The following XXYLT1 variants were observed in gnomAD, a reference collection of about 807,000 sequenced individuals.
The protein encoded by XXYLT1 is xyloside xylosyltransferase 1.
A neutral mutation model predicts 28.9 loss-of-function variants in XXYLT1; 20 were observed. The observed-to-expected ratio is 0.69, with a 90% CI of 0.49 to 1.00. The LOEUF (loss-of-function observed/expected upper bound fraction) is 1.00. XXYLT1 is among the 50% of genes least tolerant of loss of function. The pLI, the probability that XXYLT1 is intolerant of heterozygous loss-of-function variation, is 0.00. For synonymous variants in XXYLT1, 257 were observed against 253.8 expected (o/e 1.01, Z -0.12); for missense variants, 542 against 560.1 (o/e 0.97, Z 0.33).
Position 195,088,354 on chromosome 3 carries a change from C to T in XXYLT1, c.786-18243G>A, listed in dbSNP as rs971659086. On this transcript the variant is annotated intron_variant, in intron 3 of 3. Coordinates refer to ENST00000310380, the MANE Select transcript of XXYLT1 (RefSeq NM_152531.5). ...TGGAGATCTGAGAACGGGCAGACTG[C>T]CTCCTCAAGTGGGTCCCTGACCCCT... Among the ~76,000 whole-genome samples, 10 of 147,094 alleles carry T rather than the reference C, an allele frequency of 6.8e-5. 1 individual carries two copies. Among genetic ancestry groups the T allele is most frequent in the Non-Finnish European group, 1.2e-4 (8 of 66,112 alleles).
chr3:195,175,917 A>G (rs1721643641), intron 2 of XXYLT1: 1 of 1,402,624 alleles, frequency 7.1e-7, no homozygotes, highest in South Asian at 1.6e-5. Flanking sequence ...TTATGTATGA[A>G]GTCACAGAAA....
At chr3:195,111,088 G>A (rs993488487) in intron 3 of XXYLT1, among the ~76,000 whole-genome samples, 1 of 152,072 alleles carries the variant, frequency 6.6e-6, no homozygotes, top group Non-Finnish European at 1.5e-5. Flanking sequence ...GGATCCCTCT[G>A]AGGGCTGCGA....
intron 1 of XXYLT1, among the ~76,000 whole-genome samples, chr3:195,266,226 T>C (rs2108859808): frequency 6.6e-6 from 1 of 152,248 alleles, no homozygotes; most frequent in East Asian, 1.9e-4. Flanking sequence ...CCGGGTGCGG[T>C]GGCTCACGCC....
chr3:195,132,963 G>C (rs1281545583), intron 3 of XXYLT1, among the ~76,000 whole-genome samples: 1 of 152,220 alleles, frequency 6.6e-6, no homozygotes, highest in African/African-American at 2.4e-5. Context: ...TGATGGACTA[G>C]ATTTTCTGGT....
intron 3 of XXYLT1, among the ~76,000 whole-genome samples, chr3:195,149,931 T>C (rs62290357): frequency 0.24 from 36,772 of 152,168 alleles, 5,055 homozygotes; most frequent in East Asian, 0.44. Context: ...TCCAGCGTTT[T>C]TGTCTTCCAT....
chr3:195,108,594 A>C (rs776290530), intron 3 of XXYLT1, among the ~76,000 whole-genome samples: 13 of 152,210 alleles, frequency 8.5e-5, no homozygotes, highest in Admixed American at 3.9e-4. Context: ...GACTTCCACA[A>C]ACCTAGATGG....
chr3:195,113,243 C>T (rs1717876569), intron 3 of XXYLT1, among the ~76,000 whole-genome samples: 2 of 152,192 alleles, frequency 1.3e-5, no homozygotes, highest in South Asian at 4.1e-4. Flanking sequence ...GCCGCAACTG[C>T]AGGATGGAAA....
At chr3:195,215,011 A>G (rs932874679) in intron 2 of XXYLT1, 3 of 151,238 alleles carry the variant, frequency 2.0e-5, no homozygotes, top group Non-Finnish European at 4.4e-5. Flanking sequence ...AGTGGGGGCC[A>G]ATATTCAACA....
At chr3:195,099,748 G>A (rs537920454) in intron 3 of XXYLT1, among the ~76,000 whole-genome samples, 5 of 149,914 alleles carry the variant, frequency 3.3e-5, no homozygotes, top group African/African-American at 9.8e-5. Context: ...GCAGAATGGC[G>A]TGAACCTGGG....
rs1323690367 is a variant in XXYLT1, at chr3:195,256,020, G to A, written c.504+14535C>T. Among the ~76,000 whole-genome samples the A allele has an allele frequency of 6.6e-6, 1 of 152,180 alleles. No homozygotes were observed. Among genetic ancestry groups the A allele is most frequent in the African/African-American group, 2.4e-5 (1 of 41,450 alleles). ...CTGTTCTGTGCCACCCAGCTGACCAGGGGAAGAGGCCACCCAGCCAGCAGC... is the reference window on the plus strand; with the variant it reads ...CTGTTCTGTGCCACCCAGCTGACCAAGGGAAGAGGCCACCCAGCCAGCAGC... On this transcript the variant is annotated intron_variant, in intron 1 of 3. Transcript: ENST00000310380. This position sits in a 1 kb window ranked among gnomAD's most constrained non-coding sequence, Gnocchi z 4.2.
intron 2 of XXYLT1, among the ~76,000 whole-genome samples, chr3:195,167,523 G>A (rs537416948): frequency 3.3e-5 from 5 of 152,240 alleles, no homozygotes; most frequent in South Asian, 4.1e-4. Flanking sequence ...CCCAGGAGGC[G>A]GAAGTTGCAG....
intron 2 of XXYLT1, among the ~76,000 whole-genome samples, chr3:195,206,787 G>C (rs1034525459): frequency 3.3e-5 from 5 of 151,944 alleles, no homozygotes; most frequent in African/African-American, 1.2e-4. Context: ...GTACTTTTCT[G>C]TTAGAGAGAC....
At chr3:195,264,254 T>C (rs1263199778) in intron 1 of XXYLT1, among the ~76,000 whole-genome samples, 1 of 152,194 alleles carries the variant, frequency 6.6e-6, no homozygotes, top group Non-Finnish European at 1.5e-5. Context: ...TAGATGAAGG[T>C]AGGTAAGGTC....
rs1722583601 is a variant in XXYLT1, at chr3:195,195,403, G to A, written c.652+31306C>T. On this transcript the variant is annotated intron_variant, in intron 2 of 3. Transcript: ENST00000310380. The surrounding 1 kb of genome is among the most constrained non-coding windows in gnomAD (Gnocchi z 4.4). ...TGGCTTCCCCAGGGGTGACCACCAC[G>A]GATTCCTTCCTCAGAGTCGCTCAGG... 6.6e-6 allele frequency among the ~76,000 whole-genome samples: 1 copy of A among 152,190 alleles called. No homozygotes were observed. Among genetic ancestry groups the A allele is most frequent in the Non-Finnish European group, 1.5e-5 (1 of 68,038 alleles).
chr3:195,089,757 T>A (rs1307015624), intron 3 of XXYLT1, among the ~76,000 whole-genome samples: 8 of 150,578 alleles, frequency 5.3e-5, no homozygotes, highest in African/African-American at 1.7e-4. Flanking sequence ...TCAAGACCCA[T>A]CAGTGTGCTG....
intron 3 of XXYLT1, among the ~76,000 whole-genome samples, chr3:195,088,340 G>A (rs1320411457): frequency 6.7e-6 from 1 of 148,846 alleles, no homozygotes; most frequent in Non-Finnish European, 1.5e-5. Context: ...GGAGATCTGA[G>A]AACGGGCAGA....
intron 3 of XXYLT1, among the ~76,000 whole-genome samples, chr3:195,083,139 A>G (rs1715531836): frequency 6.6e-6 from 1 of 152,204 alleles, no homozygotes; most frequent in Non-Finnish European, 1.5e-5. Context: ...TATATTCCTT[A>G]AAAGATCCAT....
At chr3:195,085,169 A>G (rs1251418469) in intron 3 of XXYLT1, among the ~76,000 whole-genome samples, 3 of 152,234 alleles carry the variant, frequency 2.0e-5, no homozygotes, top group Admixed American at 6.5e-5. Context: ...TGAAAGTTCA[A>G]GTTGGGGACA....
intron 1 of XXYLT1, among the ~76,000 whole-genome samples, chr3:195,258,321 A>T (rs1725555261): frequency 6.6e-6 from 1 of 152,180 alleles, no homozygotes; most frequent in Non-Finnish European, 1.5e-5. Flanking sequence ...GTCTCCCCAG[A>T]GGCCCGGCCT....
Sources: allele counts gnomAD v4.1 joint callset (sites outside exome capture counted in the v4.1 genomes callset), GRCh38; gene constraint gnomAD v4.1.1; non-coding constraint Gnocchi (gnomAD v3.1); transcripts MANE v1.5; gene names NCBI Gene and HGNC (gene_info 2026-07-23, HGNC 2026-07-21).